Variants in SCAI observed in about 807,000 individuals in gnomAD.
SCAI encodes the protein protein SCAI.
A neutral mutation model predicts 92.2 loss-of-function variants in SCAI; 24 were observed. The ratio of observed to expected loss-of-function variants is 0.26; its 90% CI spans 0.19 to 0.37. The LOEUF (loss-of-function observed/expected upper bound fraction) is 0.37. SCAI is among the 10% of genes least tolerant of loss of function. SCAI has a pLI of 1.00. For synonymous variants in SCAI, 261 were observed against 258.6 expected (o/e 1.01, Z -0.09); for missense variants, 450 against 736.2 (o/e 0.61, Z 4.50).
chr9:125,124,234 G>A (rs1835215683), intron 2 of SCAI, among the ~76,000 whole-genome samples: 2 of 152,146 alleles, frequency 1.3e-5, no homozygotes, highest in South Asian at 4.2e-4. Flanking sequence ...GCTCTCCAGA[G>A]AAACAGAATC....
intron 1 of SCAI, 45 bp from the exon 2 acceptor site, chr9:125,142,722 G>A (rs1358782263): frequency 6.5e-7 from 1 of 1,538,650 alleles, no homozygotes; most frequent in African/African-American, 1.4e-5. Flanking sequence ...TAACATACAA[G>A]AAAACATCTC....
intron 2 of SCAI, among the ~76,000 whole-genome samples, chr9:125,092,888 C>A (rs1834465154): frequency 6.6e-6 from 1 of 152,238 alleles, no homozygotes; most frequent in Non-Finnish European, 1.5e-5. Flanking sequence ...CTCTGTCGAA[C>A]ACACACCAAT....
chr9:125,004,329 C>A (rs982798321), intron 9 of SCAI, among the ~76,000 whole-genome samples: 1 of 134,394 alleles, frequency 7.4e-6, no homozygotes, highest in Non-Finnish European at 1.6e-5. Flanking sequence ...AGCCCAAATT[C>A]TTTTTTTTTT....
At chr9:125,028,556 A>G (rs1006598247) in intron 4 of SCAI, 78 bp from the exon 5 acceptor site, 6 of 635,258 alleles carry the variant, frequency 9.4e-6, no homozygotes, top group Admixed American at 3.3e-5. Context: ...ATTCAATAGG[A>G]TAAAATACCA....
chr9:125,018,993 T>C, intron 8 of SCAI, 42 bp from the exon 9 acceptor site: 1 of 1,593,784 alleles, frequency 6.3e-7, no homozygotes, highest in South Asian at 1.1e-5. Flanking sequence ...TGGCCAAGAC[T>C]AAATATCAAT....
chr9:124,985,237 T>C (rs761972686), intron 14 of SCAI, among the ~76,000 whole-genome samples: 1 of 152,128 alleles, frequency 6.6e-6, no homozygotes, highest in Non-Finnish European at 1.5e-5. Context: ...TCACTCCACA[T>C]GGGACTGCAA....
chr9:124,963,138 G>T (rs770055069), intron 17 of SCAI, among the ~76,000 whole-genome samples: 1 of 148,606 alleles, frequency 6.7e-6, no homozygotes, highest in Non-Finnish European at 1.5e-5. Context: ...CTAGAGAAAA[G>T]AATTTTTTCC....
intron 2 of SCAI, among the ~76,000 whole-genome samples, chr9:125,120,972 C>A (rs1835146237): frequency 1.3e-5 from 2 of 151,716 alleles, no homozygotes; most frequent in Non-Finnish European, 2.9e-5. Context: ...AGTAATCTGC[C>A]ACTAAAAATT....
intron 3 of SCAI, among the ~76,000 whole-genome samples, chr9:125,048,312 A>T (rs1833488641): frequency 6.6e-6 from 1 of 152,146 alleles, no homozygotes; most frequent in African/African-American, 2.4e-5. Flanking sequence ...CATGTGATCA[A>T]GATACCTACT....
intron 9 of SCAI, among the ~76,000 whole-genome samples, chr9:125,016,010 T>C (rs1832749263): frequency 8.8e-6 from 1 of 114,246 alleles, no homozygotes; most frequent in Admixed American, 1.3e-4. Flanking sequence ...AAGGGGAACA[T>C]CACACTTTGG....
rs1831113635 is a variant in SCAI at position 124,944,618 on chromosome 9, C to A, written c.*8189G>T. ...TGCAGATTTTTAATTTACCACAGTA[C>A]ATAGTTTTAATTTAGAAAAAAAGCA... On this transcript the variant is annotated 3_prime_UTR_variant, in exon 18 of 18. Transcript: ENST00000336505. The A allele has an allele frequency of 6.6e-6, 1 of 151,908 alleles. No individual in the cohort carries two copies. The highest frequency in any genetic ancestry group is 2.1e-4 in the South Asian group (1 of 4,816). The allele number at this position is 151,908 out of a possible 1,614,324, so 9.4% of individuals were successfully genotyped here.
At chr9:125,119,155 C>T (rs558276000) in intron 2 of SCAI, among the ~76,000 whole-genome samples, 8 of 152,144 alleles carry the variant, frequency 5.3e-5, no homozygotes, top group African/African-American at 1.4e-4. Flanking sequence ...CTATTGTTGG[C>T]GGGGGATGGG....
At chr9:125,129,496 C>G in intron 2 of SCAI, among the ~76,000 whole-genome samples, 1 of 118,586 alleles carries the variant, frequency 8.4e-6, no homozygotes, top group East Asian at 3.0e-4. Context: ...CAGAGCCTCA[C>G]TCTGTCACCC....
At chr9:124,999,107 G>T (rs902940295) in intron 13 of SCAI, among the ~76,000 whole-genome samples, 4 of 151,614 alleles carry the variant, frequency 2.6e-5, no homozygotes, top group Non-Finnish European at 5.9e-5. Context: ...AATAAAATGT[G>T]GCCGGGCACG....
chr9:125,104,759 A>C (rs926593093), intron 2 of SCAI, among the ~76,000 whole-genome samples: 1 of 151,896 alleles, frequency 6.6e-6, no homozygotes, highest in African/African-American at 2.4e-5. Flanking sequence ...TGTTTGTCAA[A>C]AAACAAACAA....
At chr9:124,979,775 C>T (rs79367090) in intron 14 of SCAI, among the ~76,000 whole-genome samples, 4,819 of 151,994 alleles carry the variant, frequency 0.032, 238 homozygotes, top group East Asian at 0.23. Context: ...ATAGGCTGGG[C>T]GCGGTGGCTC....
chr9:124,974,366 T>A, intron 15 of SCAI: 2 of 333,718 alleles, frequency 6.0e-6, no homozygotes, highest in Non-Finnish European at 1.2e-5. Context: ...GAGGATCACC[T>A]GAGCCCAGGA....
At chr9:124,964,332 C>G (rs1251370765) in intron 17 of SCAI, among the ~76,000 whole-genome samples, 3 of 152,192 alleles carry the variant, frequency 2.0e-5, no homozygotes, top group Non-Finnish European at 4.4e-5. Context: ...TCTCGAAACC[C>G]TTCACTCCCC....
intron 2 of SCAI, among the ~76,000 whole-genome samples, chr9:125,099,428 C>T (rs1424999500): frequency 6.6e-6 from 1 of 151,896 alleles, no homozygotes; most frequent in Non-Finnish European, 1.5e-5. Context: ...ATGAGATGTG[C>T]GCTACCATGC....
Sources: gnomAD v4.1 joint callset for allele counts (sites outside exome capture counted in the v4.1 genomes callset) on GRCh38, gnomAD v4.1.1 for gene constraint, MANE v1.5 for transcripts, NCBI Gene and HGNC (gene_info 2026-07-23, HGNC 2026-07-21) for gene names.